RASL12: variants seen among roughly 807,000 people sequenced by gnomAD.
RASL12 encodes ras-like protein family member 12.
Under a neutral mutation model 22.9 loss-of-function variants are expected in RASL12, and 16 were observed. That is an observed-to-expected ratio of 0.70 (90% confidence interval 0.47 to 1.06). The LOEUF (loss-of-function observed/expected upper bound fraction) is 1.06, where lower values mean the gene tolerates loss of function less well. RASL12 is among the 50% of genes least tolerant of loss of function. The pLI, the probability that RASL12 is intolerant of heterozygous loss-of-function variation, is 0.00. For synonymous variants in RASL12, 159 were observed against 152.2 expected, an observed-to-expected ratio of 1.04 and a Z score of -0.33; for missense variants, 306 against 353.1, an observed-to-expected ratio of 0.87 and a Z score of 1.07.
intron 1 of RASL12, among the ~76,000 whole-genome samples, chr15:65,075,183 G>A (rs527612371): frequency 2.0e-5 from 3 of 152,364 alleles, no homozygotes; most frequent in Admixed American, 6.5e-5. Flanking sequence ...TGGCTGCGGA[G>A]GGTGTACTGG....
intron 3 of RASL12, 80 bp downstream of exon 3, chr15:65,059,265 A>C: frequency 8.2e-7 from 1 of 1,222,670 alleles, no homozygotes; most frequent in East Asian, 2.3e-5. Flanking sequence ...TGCCTATCTG[A>C]GGTCCCGCAC....
chr15:65,067,734 A>C lies in RASL12; in HGVS notation c.102T>G (p.Ser34=). 1 of 1,561,470 alleles carries C rather than the reference A, an allele frequency of 6.4e-7. No homozygotes were observed. Among genetic ancestry groups the C allele is most frequent in the South Asian group, 1.2e-5 (1 of 85,608 alleles). Residue 34 remains serine (S), a splice_region_variant and synonymous_variant, in exon 1 of 5, where the codon TCT becomes TCG. Transcript: ENST00000220062. ...AILGRRGAGK[S]ALTVKFLTKR... is the part of the protein sequence containing the mutation. ...CTCAGGCTCCCCGGCGCCACTCACC[A>C]GACTTGCCAGCCCCGCGGCGCCCCA...
chr15:65,046,553 T>C, the RASL12 span, among the ~76,000 whole-genome samples: 2 of 152,206 alleles, frequency 1.3e-5, no homozygotes, highest in South Asian at 2.1e-4. Context: ...TGGATTTGTA[T>C]CCAATTTGTC....
chr15:65,066,752 C>A (rs2086883556), intron 1 of RASL12, among the ~76,000 whole-genome samples: 1 of 152,204 alleles, frequency 6.6e-6, no homozygotes, highest in Admixed American at 6.5e-5. Context: ...GATTCAGAGT[C>A]CCCTCTCTGG....
At chr15:65,067,115 G>A (rs1021150508) in intron 1 of RASL12, among the ~76,000 whole-genome samples, 9 of 152,188 alleles carry the variant, frequency 5.9e-5, no homozygotes, top group African/African-American at 2.2e-4. Flanking sequence ...CCCAGGGAAT[G>A]GGGGTGGGAG....
At chr15:65,076,425 G>A in intron 1 of RASL12, 1 of 536,870 alleles carries the variant, frequency 1.9e-6, no homozygotes, top group Non-Finnish European at 3.3e-6. Flanking sequence ...TCACTCCTGA[G>A]CCAGCGAGAC....
chr15:65,045,947 C>A, the RASL12 span, among the ~76,000 whole-genome samples: 4 of 152,222 alleles, frequency 2.6e-5, no homozygotes, highest in Non-Finnish European at 4.4e-5. Flanking sequence ...AGGCCGATCA[C>A]CTGAGGTCAG....
downstream of RASL12, chr15:65,050,221 C>T: frequency 1.3e-6 from 1 of 774,384 alleles, no homozygotes; most frequent in Non-Finnish European, 2.1e-6. Flanking sequence ...TCCTCCAAGA[C>T]AGGGAATCAG....
intron 2 of RASL12, among the ~76,000 whole-genome samples, chr15:65,061,955 C>T (rs2086811842): frequency 6.6e-6 from 1 of 151,794 alleles, no homozygotes. Context: ...GTGGCAGGCA[C>T]CTGTAGTCCC....
chr15:65,051,095 C>G (rs1043107549), downstream of RASL12, among the ~76,000 whole-genome samples: 1 of 152,124 alleles, frequency 6.6e-6, no homozygotes, highest in African/African-American at 2.4e-5. Context: ...CCACCTGACT[C>G]GGCTTCCCAA....
At chr15:65,057,845 C>G (rs1427080220) in intron 4 of RASL12, among the ~76,000 whole-genome samples, 1 of 152,128 alleles carries the variant, frequency 6.6e-6, no homozygotes, top group Non-Finnish European at 1.5e-5. Context: ...CCAAGAGAAT[C>G]CACAGAGACC....
chr15:65,049,151 T>C (rs1271807646), downstream of RASL12: 1 of 151,996 alleles, frequency 6.6e-6, no homozygotes, highest in East Asian at 1.9e-4. Flanking sequence ...GTAGTAATAA[T>C]GCAGTTAGTA....
chr15:65,048,549 C>T (rs1345202960), downstream of RASL12, among the ~76,000 whole-genome samples: 1 of 152,176 alleles, frequency 6.6e-6, no homozygotes, highest in Non-Finnish European at 1.5e-5. Flanking sequence ...ATGCTTCGAT[C>T]CTCCCTGTAC....
At chr15:65,073,095 A>C (rs555046902) in intron 1 of RASL12, among the ~76,000 whole-genome samples, 2 of 152,228 alleles carry the variant, frequency 1.3e-5, no homozygotes, top group African/African-American at 4.8e-5. Flanking sequence ...CCAAACAAAC[A>C]AACAAAAACC....
At chr15:65,073,044 A>C (rs2086942104) in intron 1 of RASL12, among the ~76,000 whole-genome samples, 1 of 152,152 alleles carries the variant, frequency 6.6e-6, no homozygotes, top group South Asian at 2.1e-4. Context: ...CTCCGTCTCA[A>C]AAAAAGAAAC....
intron 4 of RASL12, among the ~76,000 whole-genome samples, chr15:65,055,919 G>C (rs1406983025): frequency 6.6e-6 from 1 of 152,128 alleles, no homozygotes; most frequent in Non-Finnish European, 1.5e-5. Flanking sequence ...GAGGGCAGGG[G>C]GGACAACATT....
upstream of RASL12, among the ~76,000 whole-genome samples, chr15:65,072,561 C>T (rs1177017148): frequency 2.0e-5 from 3 of 152,136 alleles, no homozygotes; most frequent in South Asian, 2.1e-4. Context: ...CCATTTTACA[C>T]GTCTGGGCCT....
chr15:65,061,906 C>T (rs920890444), intron 2 of RASL12, among the ~76,000 whole-genome samples: 2 of 151,870 alleles, frequency 1.3e-5, no homozygotes, highest in Non-Finnish European at 2.9e-5. Flanking sequence ...AAAAATTAGC[C>T]GGGCATGGTG....
chr15:65,065,096 C>A (rs2232754), intron 2 of RASL12, 121 bp downstream of exon 2: 2 of 877,946 alleles, frequency 2.3e-6, no homozygotes, highest in Non-Finnish European at 3.5e-6. Context: ...GTCATCCTGG[C>A]GGCTTCTCCC....
Sources: gnomAD v4.1 joint callset for allele counts (sites outside exome capture counted in the v4.1 genomes callset) on GRCh38, gnomAD v4.1.1 for gene constraint, MANE v1.5 for transcripts, NCBI Gene and HGNC (gene_info 2026-07-23, HGNC 2026-07-21) for gene names.